The following UBE2W variants were observed in gnomAD, a reference collection of about 807,000 sequenced individuals.
UBE2W encodes ubiquitin conjugating enzyme E2 W.
In UBE2W, 18 loss-of-function variants were observed where a neutral mutation model predicts 27.2. That is an observed-to-expected ratio of 0.66 (90% CI 0.46 to 0.98). The LOEUF is 0.98. UBE2W is among the 50% of genes least tolerant of loss of function. UBE2W has a pLI of 0.00. For missense variants in UBE2W, 90 were observed against 180.2 expected (o/e 0.50, Z 2.87); for synonymous variants, 53 against 57.2 (o/e 0.93, Z 0.33).
intron 5 of UBE2W, among the ~76,000 whole-genome samples, chr8:73,800,219 T>C (rs1351156173): frequency 6.6e-6 from 1 of 152,156 alleles, no homozygotes; most frequent in African/African-American, 2.4e-5. Context: ...GCCATCCTAG[T>C]TGGATGACAG....
In UBE2W at chr8:73,788,094, C is replaced by G. The variant is rs1377587615; in HGVS notation, c.*6008G>C. ...CATAAACCAAAAAGAGGTCTGGTAT[C>G]TATCCCATTTAGTATTCAAGTCTAC... On this transcript the variant is annotated 3_prime_UTR_variant, in exon 6 of 6. Transcript: ENST00000602593. 1 of 984,166 alleles carries G rather than the reference C, an allele frequency of 1.0e-6. No homozygotes were observed. Among genetic ancestry groups the G allele is most frequent in the Non-Finnish European group, 1.2e-6 (1 of 828,958 alleles). 61.0% of individuals were successfully genotyped at this position (984,166 alleles called of 1,614,324 possible).
rs1265629930 is a variant in UBE2W, at chr8:73,858,882, G to A, written c.15+19926C>T. Among the ~76,000 whole-genome samples, 5 of 5,402 alleles carry A rather than the reference G, an allele frequency of 9.3e-4. No individual in the cohort carries two copies. The South Asian group carries it at 0.017, about 18-fold the overall frequency. 3.5% of individuals were successfully genotyped at this position (5,402 alleles called of 152,430 possible). A position where few individuals can be genotyped will look rare whatever the true frequency, so the allele number is the denominator to read the frequency against. On this transcript the variant is annotated intron_variant, in intron 1 of 5. Coordinates refer to ENST00000602593, the MANE Select transcript of UBE2W (RefSeq NM_018299.6). Reference sequence around the variant, plus strand: ...TCATTAGGGGGGTTTTTGCGTGCGTGTGTGTGTGTGTGTGTGTGTGTGTGT... The same window carrying A: ...TCATTAGGGGGGTTTTTGCGTGCGTATGTGTGTGTGTGTGTGTGTGTGTGT...
intron 4 of UBE2W, among the ~76,000 whole-genome samples, chr8:73,809,945 A>G (rs1159621976): frequency 6.6e-6 from 1 of 152,032 alleles, no homozygotes; most frequent in African/African-American, 2.4e-5. Flanking sequence ...TCCATCAGAC[A>G]TAGAATCTGT....
intron 1 of UBE2W, chr8:73,831,201 G>T: frequency 2.3e-6 from 1 of 440,172 alleles, no homozygotes; most frequent in Non-Finnish European, 4.2e-6. Context: ...GGCTTTCCTG[G>T]AGAATCTGCT....
chr8:73,799,562 T>G (rs1183065558), intron 5 of UBE2W, among the ~76,000 whole-genome samples: 1 of 152,212 alleles, frequency 6.6e-6, no homozygotes, highest in African/African-American at 2.4e-5. Context: ...CCATCCTGCA[T>G]CCAGCATCCA....
At chr8:73,875,743 C>T (rs929619384) in intron 1 of UBE2W, among the ~76,000 whole-genome samples, 2 of 152,148 alleles carry the variant, frequency 1.3e-5, no homozygotes, top group African/African-American at 4.8e-5. Flanking sequence ...ACTGCACTAT[C>T]ACCTTCTAAT....
intron 3 of UBE2W, among the ~76,000 whole-genome samples, chr8:73,820,265 A>AGCAC (rs1809552785): frequency 6.6e-6 from 1 of 152,346 alleles, no homozygotes; most frequent in Admixed American, 6.5e-5. Flanking sequence ...GAAGTCTATA[A>AGCAC]GCACATCAAG....
At position 73,787,155 on chromosome 8, in the gene UBE2W, TACAG is replaced by T. The variant is rs1284261115; in HGVS notation, c.*6943_*6946del. The T allele has an allele frequency of 1.0e-6, 1 of 985,296 alleles. No homozygotes were observed. Among genetic ancestry groups the T allele is most frequent in the East Asian group, 1.1e-4 (1 of 8,812 alleles). The allele number at this position is 985,296 out of a possible 1,614,324, so 61.0% of individuals were successfully genotyped here. On this transcript the variant is annotated 3_prime_UTR_variant, in exon 6 of 6. Coordinates refer to ENST00000602593, the MANE Select transcript of UBE2W (RefSeq NM_018299.6). Reference sequence around the variant, plus strand: ...GCAGGCAAACATTAAAAATAAATCTTACAGGCAACTAAAAAAATGGTTGAAAGGG... The same window carrying T: ...GCAGGCAAACATTAAAAATAAATCTTGCAACTAAAAAAATGGTTGAAAGGG...
chr8:73,801,086 G>A (rs1409829718), intron 5 of UBE2W, among the ~76,000 whole-genome samples: 6 of 151,614 alleles, frequency 4.0e-5, no homozygotes, highest in African/African-American at 7.3e-5. Context: ...ACAAAACTCC[G>A]TCAAAAAAAA....
rs1210826178 is a variant in UBE2W, at chr8:73,792,800, T to C, written c.*1302A>G. On this transcript the variant is annotated 3_prime_UTR_variant, in exon 6 of 6. Transcript: ENST00000602593. ...CTGGACCTTTCAACAATTTTTTTTT[T>C]CTATAGAAAGTTTCATCTAGCTGTA... The C allele has an allele frequency of 2.0e-6, 2 of 985,488 alleles. No individual in the cohort carries two copies. Among genetic ancestry groups the C allele is most frequent in the Non-Finnish European group, 2.4e-6 (2 of 829,836 alleles). 61.0% of individuals were successfully genotyped at this position (985,488 alleles called of 1,614,324 possible).
chr8:73,842,228 A>G (rs2130929276), intron 1 of UBE2W, among the ~76,000 whole-genome samples: 1 of 152,286 alleles, frequency 6.6e-6, no homozygotes, highest in East Asian at 1.9e-4. Context: ...AGACTATGCA[A>G]CCGTTAAGAA....
At chr8:73,824,330 A>C (rs1212257952) in intron 3 of UBE2W, among the ~76,000 whole-genome samples, 2 of 152,192 alleles carry the variant, frequency 1.3e-5, no homozygotes, top group African/African-American at 4.8e-5. Flanking sequence ...TGGGCATCAA[A>C]TTATAATAAT....
In UBE2W at chr8:73,791,061, G is replaced by A. The variant is rs1808170255; in HGVS notation, c.*3041C>T. On this transcript the variant is annotated 3_prime_UTR_variant, in exon 6 of 6. Transcript: ENST00000602593. ...CAGGTGAACTGCTGACTATATAGAA[G>A]CTATTTCCAGCACTTTCTTCTGGGG... 1.0e-6 allele frequency: 1 copy of A among 984,720 alleles called. No individual in the cohort carries two copies. Among genetic ancestry groups the A allele is most frequent in the South Asian group, 4.7e-5 (1 of 21,264 alleles). The allele number at this position is 984,720 out of a possible 1,614,324, so 61.0% of individuals were successfully genotyped here.
At chr8:73,796,643 G>A (rs1271754438) in intron 5 of UBE2W, 2 of 984,944 alleles carry the variant, frequency 2.0e-6, no homozygotes, top group Non-Finnish European at 2.4e-6. Flanking sequence ...CAAATGATCT[G>A]TAACAGCTAG....
chr8:73,788,446 CATTT>C lies in UBE2W; in HGVS notation c.*5652_*5655del. ...ACAAATTCATTTTGACCTGAACATG[CATTT>C]AGTTTTTGGCTACTAATCAACCCAA... On this transcript the variant is annotated 3_prime_UTR_variant, in exon 6 of 6. Coordinates refer to ENST00000602593, the MANE Select transcript of UBE2W (RefSeq NM_018299.6). 2 of 985,400 alleles carry C rather than the reference CATTT, an allele frequency of 2.0e-6. No individual in the cohort carries two copies. The highest frequency in any genetic ancestry group is 2.4e-6 in the Non-Finnish European group (2 of 829,922). The allele number at this position is 985,400 out of a possible 1,614,324, so 61.0% of individuals were successfully genotyped here. A position where few individuals can be genotyped will look rare whatever the true frequency, so the allele number is the denominator to read the frequency against.
downstream of UBE2W, chr8:73,786,177 G>T (rs1807947631): frequency 1.0e-6 from 1 of 971,384 alleles, no homozygotes; most frequent in Non-Finnish European, 1.2e-6. Context: ...TTGCCTCAGA[G>T]ATAAAGATAT....
intron 1 of UBE2W, among the ~76,000 whole-genome samples, chr8:73,835,089 TAGG>T (rs1288040827): frequency 3.3e-5 from 5 of 152,144 alleles, no homozygotes; most frequent in African/African-American, 1.2e-4. Context: ...TCCTTCTTAG[TAGG>T]AGAAGCAAGA....
At chr8:73,845,730 A>G (rs969827424) in intron 1 of UBE2W, among the ~76,000 whole-genome samples, 1 of 152,142 alleles carries the variant, frequency 6.6e-6, no homozygotes, top group Non-Finnish European at 1.5e-5. Context: ...TAAAAAAAAA[A>G]AGCTAATTCT....
rs1808115984 is a variant in UBE2W at position 73,789,751 on chromosome 8, T to C, written c.*4351A>G. 1 of 279,340 alleles carries C rather than the reference T, an allele frequency of 3.6e-6. No homozygotes were observed. Among genetic ancestry groups the C allele is most frequent in the Non-Finnish European group, 5.4e-6 (1 of 184,696 alleles). The allele number at this position is 279,340 out of a possible 1,614,324, so 17.3% of individuals were successfully genotyped here. ...TACTCAAGAGGCTGAGGCAGGAGAA[T>C]CGCTTAGACCCAGGAGGTGGAGATT... On this transcript the variant is annotated 3_prime_UTR_variant, in exon 6 of 6. Transcript: ENST00000602593.
Sources: allele counts gnomAD v4.1 joint callset (sites outside exome capture counted in the v4.1 genomes callset), GRCh38; gene constraint gnomAD v4.1.1; transcripts MANE v1.5; gene names NCBI Gene and HGNC (gene_info 2026-07-23, HGNC 2026-07-21).